Variants in SPOCK1 observed in about 807,000 individuals in gnomAD.
SPOCK1 encodes the protein SPARC (osteonectin), cwcv and kazal like domains proteoglycan 1.
A neutral mutation model predicts 55.3 loss-of-function variants in SPOCK1; 23 were observed. That is an observed-to-expected ratio of 0.42 (90% CI 0.30 to 0.59). SPOCK1 has a LOEUF of 0.59. SPOCK1 is among the 20% of genes least tolerant of loss of function. SPOCK1 has a pLI of 0.22. For synonymous variants in SPOCK1, 226 were observed against 221.0 expected (o/e 1.02, Z -0.20); for missense variants, 499 against 552.5 (o/e 0.90, Z 0.97).
intron 4 of SPOCK1, among the ~76,000 whole-genome samples, chr5:137,134,261 G>A (rs529548514): frequency 2.6e-5 from 4 of 152,220 alleles, no homozygotes; most frequent in African/African-American, 9.6e-5. Flanking sequence ...ACACAAGATA[G>A]GTGGTCAGTA....
At chr5:137,226,547 A>G (rs1033985462) in intron 3 of SPOCK1, among the ~76,000 whole-genome samples, 4 of 151,900 alleles carry the variant, frequency 2.6e-5, no homozygotes, top group African/African-American at 9.7e-5. Context: ...ACCATCCCCT[A>G]CCTCCTTGAG....
At chr5:136,982,566 A>T (rs117094107) in intron 9 of SPOCK1, among the ~76,000 whole-genome samples, 2 of 152,234 alleles carry the variant, frequency 1.3e-5, no homozygotes, top group East Asian at 3.9e-4. Context: ...CCACAGGGGA[A>T]CATAGTTTTT....
chr5:137,042,795 T>C (rs768572010), intron 6 of SPOCK1, among the ~76,000 whole-genome samples: 3 of 152,120 alleles, frequency 2.0e-5, no homozygotes, highest in Non-Finnish European at 4.4e-5. Context: ...TAGCATAAAC[T>C]TGTATTTAGC....
chr5:137,110,335 GCTTGGTCATCAC>G (rs2127031040), intron 5 of SPOCK1, among the ~76,000 whole-genome samples: 1 of 152,328 alleles, frequency 6.6e-6, no homozygotes, highest in Admixed American at 6.5e-5. Flanking sequence ...TGGACCAGCA[GCTTGGTCATCAC>G]CTGGGAAACT....
chr5:137,142,267 C>T (rs539832198), intron 3 of SPOCK1, among the ~76,000 whole-genome samples: 24 of 152,336 alleles, frequency 1.6e-4, no homozygotes, highest in African/African-American at 5.5e-4. Flanking sequence ...CCACTGGACT[C>T]TTAGCCATCC....
Position 137,112,398 on chromosome 5 carries a change from A to G in SPOCK1, c.474+37T>C, listed in dbSNP as rs755527495. 5 of 1,605,744 alleles carry G rather than the reference A, an allele frequency of 3.1e-6. 1 individual carries two copies. Among genetic ancestry groups the G allele is most frequent in the Admixed American group, 3.4e-5 (2 of 58,396 alleles). On this transcript the variant is annotated intron_variant, in intron 5 of 10. Transcript: ENST00000394945. Reference sequence around the variant, plus strand: ...GAAGTGTTAGAACAAGCCGACATGAAGTATTTTTGATAACATAAAAAGACA... The same window carrying G: ...GAAGTGTTAGAACAAGCCGACATGAGGTATTTTTGATAACATAAAAAGACA...
intron 2 of SPOCK1, among the ~76,000 whole-genome samples, chr5:137,381,992 T>G (rs1467127864): frequency 2.0e-5 from 3 of 152,226 alleles, no homozygotes; most frequent in African/African-American, 7.2e-5. Context: ...CAGTTTCAGA[T>G]AATCTCTTTC....
intron 2 of SPOCK1, among the ~76,000 whole-genome samples, chr5:137,434,204 C>T (rs1178995719): frequency 6.6e-6 from 1 of 152,142 alleles, no homozygotes; most frequent in African/African-American, 2.4e-5. Flanking sequence ...TCCAAATAGG[C>T]AGTGAGTAAT....
intron 3 of SPOCK1, among the ~76,000 whole-genome samples, chr5:137,214,955 C>CCT (rs2127084100): frequency 6.6e-6 from 1 of 152,220 alleles, no homozygotes; most frequent in African/African-American, 2.4e-5. Flanking sequence ...AATATTTACT[C>CCT]CTTAATTGGG....
At chr5:137,066,116 G>A (rs1317255306) in intron 6 of SPOCK1, among the ~76,000 whole-genome samples, 9 of 152,086 alleles carry the variant, frequency 5.9e-5, no homozygotes, top group Non-Finnish European at 7.4e-5. Context: ...AGATGCTACA[G>A]GCAAAATAGT....
intron 2 of SPOCK1, among the ~76,000 whole-genome samples, chr5:137,340,747 G>A (rs1018759888): frequency 2.6e-5 from 4 of 152,126 alleles, no homozygotes; most frequent in Non-Finnish European, 5.9e-5. Context: ...TGGGCGTGGT[G>A]GTGTATGTCT....
intron 2 of SPOCK1, among the ~76,000 whole-genome samples, chr5:137,320,663 A>G (rs189626940): frequency 1.4e-4 from 21 of 152,350 alleles, no homozygotes; most frequent in Admixed American, 1.2e-3. Context: ...AAAAGAGACC[A>G]GCAAATCTCT....
At chr5:137,445,045 C>T (rs1218117224) in intron 2 of SPOCK1, among the ~76,000 whole-genome samples, 2 of 152,176 alleles carry the variant, frequency 1.3e-5, no homozygotes, top group Non-Finnish European at 2.9e-5. Context: ...TGGAGGAGCC[C>T]ACTACTACAA....
rs189295035 is a variant in SPOCK1, at chr5:137,198,831, C to T, written c.233-58137G>A. 1.9e-4 allele frequency among the ~76,000 whole-genome samples: 29 copies of T among 152,200 alleles called. No individual in the cohort carries two copies. In the South Asian group the frequency reaches 4.4e-3, roughly 23 times the overall value. On this transcript the variant is annotated intron_variant, in intron 3 of 10. Coordinates refer to ENST00000394945, the MANE Select transcript of SPOCK1 (RefSeq NM_004598.4). ...GAAAACTCAACCATGTCTTCTATTA[C>T]GTGTTCTAAATTTTTATACATAACT...
At chr5:137,337,871 G>C (rs1347889950) in intron 2 of SPOCK1, among the ~76,000 whole-genome samples, 1 of 152,102 alleles carries the variant, frequency 6.6e-6, no homozygotes, top group Non-Finnish European at 1.5e-5. Flanking sequence ...AGAGTGATTT[G>C]GTAGCAAGAA....
chr5:137,137,247 C>T (rs962266355), intron 4 of SPOCK1, among the ~76,000 whole-genome samples: 1 of 152,210 alleles, frequency 6.6e-6, no homozygotes, highest in Non-Finnish European at 1.5e-5. Flanking sequence ...TCTTAAGCTG[C>T]TGCAGAGGCC....
At chr5:137,463,703 A>T (rs1242647513) in intron 2 of SPOCK1, among the ~76,000 whole-genome samples, 2 of 152,210 alleles carry the variant, frequency 1.3e-5, no homozygotes, top group Non-Finnish European at 2.9e-5. Flanking sequence ...TAATCCCAGC[A>T]CTTTGAGAGG....
At chr5:137,399,226 T>G (rs1265688541) in intron 2 of SPOCK1, among the ~76,000 whole-genome samples, 1 of 152,192 alleles carries the variant, frequency 6.6e-6, no homozygotes, top group East Asian at 1.9e-4. Context: ...CCTAGTAACC[T>G]TAATAACTAA....
At chr5:137,460,843 C>G (rs1370888997) in intron 2 of SPOCK1, among the ~76,000 whole-genome samples, 4 of 152,144 alleles carry the variant, frequency 2.6e-5, no homozygotes, top group African/African-American at 9.7e-5. Flanking sequence ...ATATTCATTC[C>G]CACCTCTGGG....
Sources: allele counts gnomAD v4.1 joint callset (sites outside exome capture counted in the v4.1 genomes callset), GRCh38; gene constraint gnomAD v4.1.1; transcripts MANE v1.5; gene names NCBI Gene and HGNC (gene_info 2026-07-23, HGNC 2026-07-21).